WASF3: variants seen among roughly 807,000 people sequenced by gnomAD.
WASF3 encodes the protein actin-binding protein WASF3.
In WASF3, 11 loss-of-function variants were observed where a neutral mutation model predicts 46.6. That is an observed-to-expected ratio of 0.24 (90% confidence interval 0.15 to 0.39). WASF3 has a LOEUF of 0.39. Ranked by LOEUF, WASF3 falls within the 10% of genes least tolerant of loss-of-function variation. The pLI is 1.00. For missense variants in WASF3, 576 were observed against 669.8 expected, an observed-to-expected ratio of 0.86 and a Z score of 1.55; for synonymous variants, 242 against 259.7, an observed-to-expected ratio of 0.93 and a Z score of 0.65.
chr13:26,657,909 T>C (rs17084445), intron 3 of WASF3, among the ~76,000 whole-genome samples: 5,407 of 152,314 alleles, frequency 0.035, 334 homozygotes, highest in African/African-American at 0.12. Context: ...ATATTAATTA[T>C]GCAAGTCTCT....
chr13:26,554,573 ACTTT>A (rs1004899897), upstream of WASF3, among the ~76,000 whole-genome samples: 1 of 152,134 alleles, frequency 6.6e-6, no homozygotes, highest in African/African-American at 2.4e-5. Flanking sequence ...AAGAAACGAA[ACTTT>A]CTTTTTATTC....
chr13:26,682,343 G>C lies in WASF3; in HGVS notation c.984-264G>C, dbSNP rs1883256198. Among the ~76,000 whole-genome samples, 2 of 152,182 alleles carry C rather than the reference G, an allele frequency of 1.3e-5. No homozygotes were observed. The highest frequency in any genetic ancestry group is 2.9e-5 in the Non-Finnish European group (2 of 68,030). ...CCTCTGCAGTCAGCTGCTTTATTCT[G>C]CCTTTCTTCAGGAAGTGCTGCACTT... On this transcript the variant is annotated intron_variant, in intron 8 of 9. Transcript: ENST00000335327. This position sits in a 1 kb window ranked among gnomAD's most constrained non-coding sequence, Gnocchi z 4.4.
intron 1 of WASF3, among the ~76,000 whole-genome samples, chr13:26,571,258 G>A (rs1217877492): frequency 6.9e-6 from 1 of 145,820 alleles, no homozygotes; most frequent in Non-Finnish European, 1.5e-5. Flanking sequence ...ATATCTTCAT[G>A]TAGTCAGATT....
At chr13:26,552,596 G>A in the WASF3 span, among the ~76,000 whole-genome samples, 518 of 152,154 alleles carry the variant, frequency 3.4e-3, no homozygotes, top group Non-Finnish European at 6.2e-3. Flanking sequence ...GAGAACTGAG[G>A]TATTTGTAGT....
At chr13:26,642,639 A>G (rs1011133456) in intron 3 of WASF3, among the ~76,000 whole-genome samples, 4 of 152,224 alleles carry the variant, frequency 2.6e-5, no homozygotes, top group African/African-American at 9.6e-5. Flanking sequence ...ATGAGATCAA[A>G]TGTACAGATT....
At chr13:26,653,792 A>G (rs1882388083) in intron 3 of WASF3, among the ~76,000 whole-genome samples, 1 of 152,158 alleles carries the variant, frequency 6.6e-6, no homozygotes, top group African/African-American at 2.4e-5. Flanking sequence ...GTTCTGACCT[A>G]TCTCCTAGTT....
chr13:26,619,727 A>C (rs1881248142), intron 2 of WASF3, among the ~76,000 whole-genome samples: 1 of 152,214 alleles, frequency 6.6e-6, no homozygotes, highest in African/African-American at 2.4e-5. Flanking sequence ...TATAAAAGGA[A>C]CCTTGGAAAT....
intron 1 of WASF3, among the ~76,000 whole-genome samples, chr13:26,594,662 T>C (rs1038299797): frequency 6.6e-6 from 1 of 152,186 alleles, no homozygotes; most frequent in Non-Finnish European, 1.5e-5. Context: ...CTTTCCTAAG[T>C]AAATTAAGTT....
intron 4 of WASF3, 35 bp downstream of exon 4, chr13:26,665,197 G>C (rs1360028612): frequency 6.2e-7 from 1 of 1,606,324 alleles, no homozygotes; most frequent in Non-Finnish European, 8.5e-7. Context: ...AGCTAGAAGT[G>C]ATGTTGACAA....
At chr13:26,665,521 A>T (rs1882744229) in intron 4 of WASF3, among the ~76,000 whole-genome samples, 1 of 152,230 alleles carries the variant, frequency 6.6e-6, no homozygotes, top group South Asian at 2.1e-4. Context: ...GATATGGTCC[A>T]ACTGAGACAG....
At chr13:26,595,421 A>G (rs1880431279) in intron 1 of WASF3, among the ~76,000 whole-genome samples, 1 of 152,232 alleles carries the variant, frequency 6.6e-6, no homozygotes, top group Non-Finnish European at 1.5e-5. Context: ...CAGCTTCCCC[A>G]AAGGTGACAT....
At chr13:26,646,704 T>A (rs1003660522) in intron 3 of WASF3, among the ~76,000 whole-genome samples, 1 of 152,116 alleles carries the variant, frequency 6.6e-6, no homozygotes, top group African/African-American at 2.4e-5. Flanking sequence ...GGGATTTGCC[T>A]TGAGCCTGCC....
intron 1 of WASF3, among the ~76,000 whole-genome samples, chr13:26,608,345 A>G (rs1880866844): frequency 6.6e-6 from 1 of 152,174 alleles, no homozygotes; most frequent in Non-Finnish European, 1.5e-5. Flanking sequence ...AACTCAGAGA[A>G]TTTCTCTTTA....
upstream of WASF3, among the ~76,000 whole-genome samples, chr13:26,554,527 T>C (rs1208054889): frequency 6.6e-6 from 1 of 152,180 alleles, no homozygotes; most frequent in Non-Finnish European, 1.5e-5. Flanking sequence ...TAAAGGTCCA[T>C]AAATACAGCA....
chr13:26,661,140 C>G (rs1882617735), intron 3 of WASF3, among the ~76,000 whole-genome samples: 1 of 152,240 alleles, frequency 6.6e-6, no homozygotes, highest in South Asian at 2.1e-4. Context: ...CACATTTCAA[C>G]ATGAGATTTG....
At chr13:26,611,138 G>A (rs1880966145) in intron 1 of WASF3, among the ~76,000 whole-genome samples, 1 of 149,206 alleles carries the variant, frequency 6.7e-6, no homozygotes, top group African/African-American at 2.5e-5. Flanking sequence ...CCAGAGTGCT[G>A]AGATTACAGG....
chr13:26,591,557 TGA>T (rs1880295369), intron 1 of WASF3, among the ~76,000 whole-genome samples: 1 of 152,018 alleles, frequency 6.6e-6, no homozygotes. Context: ...TGCCATGAAC[TGA>T]GAGGGGGAGA....
rs529756888 is a variant in WASF3 at position 26,681,250 on chromosome 13, C to T, written c.913C>T (p.Pro305Ser). 1.8e-5 allele frequency: 29 copies of T among 1,607,488 alleles called. No homozygotes were observed. The South Asian group carries it at 2.3e-4, about 13-fold the overall frequency. Residue 305 changes from proline to serine, a missense_variant, in exon 8 of 10, where the codon CCC becomes TCC. Pro to Ser is a moderately conservative substitution (Grantham distance 74). Transcript: ENST00000335327. ...HMALNRPQQPPPPPPPQAPEG... is the reference protein window; with the variant it reads ...HMALNRPQQPSPPPPPQAPEG... ...GGCCCTCAACAGACCTCAGCAGCCG[C>T]CCCCCCCGCCTCCCCCTCAGGCCCC...
At chr13:26,600,934 T>C (rs1880623767) in intron 1 of WASF3, among the ~76,000 whole-genome samples, 1 of 152,206 alleles carries the variant, frequency 6.6e-6, no homozygotes, top group Non-Finnish European at 1.5e-5. Context: ...AGGGTAGAGA[T>C]GATTAGCAAT....
Sources: allele counts gnomAD v4.1 joint callset (sites outside exome capture counted in the v4.1 genomes callset), GRCh38; gene constraint gnomAD v4.1.1; non-coding constraint Gnocchi (gnomAD v3.1); transcripts MANE v1.5; gene names NCBI Gene and HGNC (gene_info 2026-07-23, HGNC 2026-07-21).